Variants in WWC1 observed in about 807,000 individuals in gnomAD.
WWC1 encodes WW and C2 domain containing 1.
Under a neutral mutation model 138.4 loss-of-function variants are expected in WWC1, and 55 were observed. That is an observed-to-expected ratio of 0.40 (90% CI 0.32 to 0.50). The LOEUF (loss-of-function observed/expected upper bound fraction) is 0.50. Among genes scored for constraint, WWC1 ranks in the 20% least tolerant of loss-of-function variants. WWC1 has a pLI of 0.72. For synonymous variants in WWC1, 524 were observed against 564.9 expected, an observed-to-expected ratio of 0.93 and a Z score of 1.03; for missense variants, 1,226 against 1,420.4, an observed-to-expected ratio of 0.86 and a Z score of 2.20.
intron 1 of WWC1, among the ~76,000 whole-genome samples, chr5:168,364,041 T>C (rs536489967): frequency 6.6e-6 from 1 of 152,268 alleles, no homozygotes; most frequent in African/African-American, 2.4e-5. Context: ...AACCCACATT[T>C]ATCAAGGGCT....
At chr5:168,448,203 C>T (rs7727722) in intron 17 of WWC1, among the ~76,000 whole-genome samples, 5,180 of 152,214 alleles carry the variant, frequency 0.034, 286 homozygotes, top group African/African-American at 0.12. Flanking sequence ...GACTGGAAGC[C>T]TCTCTTGGTC....
chr5:168,300,974 T>G (rs1196549914), intron 1 of WWC1, among the ~76,000 whole-genome samples: 1 of 152,216 alleles, frequency 6.6e-6, no homozygotes, highest in African/African-American at 2.4e-5. Flanking sequence ...TTCACTGTAT[T>G]CCAGGAATTT....
At chr5:168,460,523 C>A in intron 19 of WWC1, 127 bp from the exon 20 acceptor site, 1 of 788,218 alleles carries the variant, frequency 1.3e-6, no homozygotes, top group South Asian at 1.7e-5. Flanking sequence ...AGAATGAAAC[C>A]TGGGTGTTTG....
At chr5:168,313,989 A>AGAAGGTCAGGTGCC (rs1269902473) in intron 1 of WWC1, among the ~76,000 whole-genome samples, 2 of 152,194 alleles carry the variant, frequency 1.3e-5, no homozygotes, top group African/African-American at 4.8e-5. Flanking sequence ...GCATCTACCA[A>AGAAGGTCAGGTGCC]GAAGGTCAGG....
intron 15 of WWC1, among the ~76,000 whole-genome samples, 156 bp from the exon 16 acceptor site, chr5:168,441,525 AT>A (rs1272099016): frequency 6.6e-6 from 1 of 152,196 alleles, no homozygotes; most frequent in East Asian, 1.9e-4. Flanking sequence ...AAATGAGCTA[AT>A]TGGAAATGTT....
chr5:168,309,748 C>T (rs913110840), intron 1 of WWC1, among the ~76,000 whole-genome samples: 43 of 152,080 alleles, frequency 2.8e-4, no homozygotes, highest in African/African-American at 9.6e-4. Flanking sequence ...AGACCTCTCC[C>T]TCTGTCTTAG....
At chr5:168,428,597 G>T in intron 12 of WWC1, 110 bp from the exon 13 acceptor site, 1 of 1,059,412 alleles carries the variant, frequency 9.4e-7, no homozygotes, top group South Asian at 1.6e-5. Context: ...AGGACCTGAA[G>T]GGAAGCTGAG....
rs569105673 is a variant in WWC1 at position 168,426,202 on chromosome 5, G to A, written c.1811-1831G>A. 3.9e-5 allele frequency among the ~76,000 whole-genome samples: 6 copies of A among 152,304 alleles called. No individual in the cohort carries two copies. In the South Asian group the frequency reaches 1.2e-3, roughly 32 times the overall value. On this transcript the variant is annotated intron_variant, in intron 11 of 22. Transcript: ENST00000265293. ...CTGGGTTTCCCTCATCAGGAAGGGA[G>A]TCTTGCTGAGTGCTCTCAAAATAAA...
intron 2 of WWC1, among the ~76,000 whole-genome samples, chr5:168,382,409 T>A (rs1230277978): frequency 6.6e-6 from 1 of 152,234 alleles, no homozygotes; most frequent in Non-Finnish European, 1.5e-5. Flanking sequence ...TTTCACAAAC[T>A]TGTCATGGTG....
At chr5:168,463,694 C>A (rs796903789) in intron 20 of WWC1, among the ~76,000 whole-genome samples, 4 of 152,186 alleles carry the variant, frequency 2.6e-5, no homozygotes, top group African/African-American at 9.6e-5. Context: ...AACTGAAGAA[C>A]CCAACTCAAA....
chr5:168,343,704 C>T (rs1249679853), intron 1 of WWC1, among the ~76,000 whole-genome samples: 5 of 151,880 alleles, frequency 3.3e-5, no homozygotes, highest in Non-Finnish European at 5.9e-5. Flanking sequence ...TGCCTGTAAT[C>T]GCAGCTACTT....
At chr5:168,462,291 T>A (rs1756887140) in intron 20 of WWC1, among the ~76,000 whole-genome samples, 1 of 152,056 alleles carries the variant, frequency 6.6e-6, no homozygotes, top group South Asian at 2.1e-4. Context: ...AGGCAGAGTG[T>A]GCGGGTGTGG....
intron 8 of WWC1, 129 bp from the exon 9 acceptor site, chr5:168,414,219 G>C (rs1780423491): frequency 1.4e-6 from 2 of 1,379,420 alleles, no homozygotes; most frequent in Non-Finnish European, 9.7e-7. Context: ...GGTTCCTTGA[G>C]ATGACAAGCT....
At chr5:168,465,054 T>G in intron 21 of WWC1, 92 bp downstream of exon 21, 1 of 1,492,836 alleles carries the variant, frequency 6.7e-7, no homozygotes, top group South Asian at 1.4e-5. Flanking sequence ...GAGCTCATGA[T>G]GCATCCTACA....
At chr5:168,379,348 G>A (rs974246854) in intron 2 of WWC1, among the ~76,000 whole-genome samples, 1 of 152,108 alleles carries the variant, frequency 6.6e-6, no homozygotes, top group African/African-American at 2.4e-5. Flanking sequence ...CTGGGCTGTC[G>A]GAGGACCCCC....
At chr5:168,295,014 C>T (rs1261144706) in intron 1 of WWC1, among the ~76,000 whole-genome samples, 8 of 152,186 alleles carry the variant, frequency 5.3e-5, no homozygotes, top group Admixed American at 5.2e-4. Flanking sequence ...ACTTGGGGTC[C>T]TGAGGGGGTC....
intron 21 of WWC1, among the ~76,000 whole-genome samples, chr5:168,465,474 G>T (rs1440951327): frequency 6.7e-6 from 1 of 148,158 alleles, no homozygotes; most frequent in Non-Finnish European, 1.5e-5. Context: ...GAGTTTAAGG[G>T]ATTTAGGGGT....
intron 21 of WWC1, among the ~76,000 whole-genome samples, chr5:168,466,310 A>G (rs1417391766): frequency 6.6e-6 from 1 of 152,188 alleles, no homozygotes; most frequent in East Asian, 1.9e-4. Context: ...ATATAGGACC[A>G]ATATAGGACC....
chr5:168,374,733 A>G (rs1466582503), intron 2 of WWC1, among the ~76,000 whole-genome samples: 1 of 152,208 alleles, frequency 6.6e-6, no homozygotes, highest in Non-Finnish European at 1.5e-5. Flanking sequence ...TCTGACTGCC[A>G]TGCTGAGAAT....
Sources: gnomAD v4.1 joint callset for allele counts (sites outside exome capture counted in the v4.1 genomes callset) on GRCh38, gnomAD v4.1.1 for gene constraint, MANE v1.5 for transcripts, NCBI Gene and HGNC (gene_info 2026-07-23, HGNC 2026-07-21) for gene names.